Variants in AGBL4 observed in about 807,000 individuals in gnomAD.
AGBL4 encodes the protein AGBL carboxypeptidase 4.
A neutral mutation model predicts 66.4 loss-of-function variants in AGBL4; 58 were observed. The observed-to-expected ratio is 0.87, with a 90% confidence interval of 0.71 to 1.09. The LOEUF (loss-of-function observed/expected upper bound fraction) is 1.09, where lower values mean the gene tolerates loss of function less well. Ranked by LOEUF, AGBL4 falls within the 50% of genes least tolerant of loss-of-function variation. AGBL4 has a pLI of 0.00. For synonymous variants in AGBL4, 234 were observed against 222.9 expected, an observed-to-expected ratio of 1.05 and a Z score of -0.44; for missense variants, 579 against 631.0, an observed-to-expected ratio of 0.92 and a Z score of 0.88.
intron 4 of AGBL4, among the ~76,000 whole-genome samples, chr1:49,141,088 T>C (rs2148094354): frequency 6.6e-6 from 1 of 152,266 alleles, no homozygotes; most frequent in South Asian, 2.1e-4. Context: ...CATTAATTGG[T>C]ACTAAAAAAA....
intron 2 of AGBL4, among the ~76,000 whole-genome samples, chr1:49,847,948 G>A (rs538981027): frequency 7.2e-5 from 11 of 152,200 alleles, no homozygotes; most frequent in Non-Finnish European, 1.3e-4. Context: ...TGATCCGCCC[G>A]CCTGGGCCTC....
intron 3 of AGBL4, among the ~76,000 whole-genome samples, chr1:49,633,891 GTAATAT>G (rs71572686): frequency 0.4 from 58,489 of 146,120 alleles, 14,831 homozygotes; most frequent in Non-Finnish European, 0.56. Flanking sequence ...ATATATTATT[GTAATAT>G]ATAATATATG....
At chr1:48,853,402 G>C (rs1466003416) in intron 6 of AGBL4, among the ~76,000 whole-genome samples, 1 of 152,188 alleles carries the variant, frequency 6.6e-6, no homozygotes, top group African/African-American at 2.4e-5. Flanking sequence ...ATTGATGTTT[G>C]AAACTGCTGA....
chr1:49,645,034 T>C (rs975913113), intron 3 of AGBL4, among the ~76,000 whole-genome samples: 1 of 151,498 alleles, frequency 6.6e-6, no homozygotes, highest in Admixed American at 6.6e-5. Flanking sequence ...AAATGACCCA[T>C]AGGGCAAAGA....
At chr1:49,123,594 T>C (rs1341100758) in intron 4 of AGBL4, among the ~76,000 whole-genome samples, 3 of 152,162 alleles carry the variant, frequency 2.0e-5, no homozygotes, top group African/African-American at 7.2e-5. Context: ...GTATAAGAAA[T>C]AGCCCCATGA....
chr1:49,426,319 C>T (rs752391370), intron 3 of AGBL4, among the ~76,000 whole-genome samples: 14 of 152,028 alleles, frequency 9.2e-5, no homozygotes, highest in South Asian at 6.3e-4. Context: ...CTTATGCATG[C>T]GGAATAAAAA....
intron 1 of AGBL4, among the ~76,000 whole-genome samples, chr1:49,907,316 A>G (rs1650372242): frequency 1.3e-5 from 2 of 152,162 alleles, no homozygotes; most frequent in Non-Finnish European, 2.9e-5. Flanking sequence ...GTAAAATTTG[A>G]AAGAAACATT....
intron 5 of AGBL4, among the ~76,000 whole-genome samples, chr1:48,886,121 C>A (rs898840677): frequency 1.3e-5 from 2 of 152,098 alleles, no homozygotes; most frequent in African/African-American, 4.8e-5. Context: ...GGCTAAGAGC[C>A]CTGCCTGAGG....
chr1:49,089,353 T>TGCTA (rs1412238604), intron 4 of AGBL4, among the ~76,000 whole-genome samples: 12 of 151,556 alleles, frequency 7.9e-5, no homozygotes, highest in Admixed American at 2.0e-4. Context: ...ATTGATAGAC[T>TGCTA]GCTAGCTAGA....
At chr1:49,996,565 G>C (rs1487704408) in intron 1 of AGBL4, among the ~76,000 whole-genome samples, 1 of 152,096 alleles carries the variant, frequency 6.6e-6, no homozygotes, top group Non-Finnish European at 1.5e-5. Context: ...CTGGGATTAT[G>C]GTAAATGAAC....
At chr1:49,927,358 C>T (rs1652881416) in intron 1 of AGBL4, among the ~76,000 whole-genome samples, 1 of 152,274 alleles carries the variant, frequency 6.6e-6, no homozygotes, top group South Asian at 2.1e-4. Flanking sequence ...CAAAGTTCCA[C>T]ATGGCCATGG....
chr1:48,808,149 C>T (rs1004331717), intron 6 of AGBL4, among the ~76,000 whole-genome samples: 4 of 152,074 alleles, frequency 2.6e-5, no homozygotes, highest in South Asian at 2.1e-4. Flanking sequence ...GTCTGGGACC[C>T]GGGGTAAGTC....
Position 49,116,552 on chromosome 1 carries a change from A to C in AGBL4, c.378-70752T>G, listed in dbSNP as rs1645527248. On this transcript the variant is annotated intron_variant, in intron 4 of 13. Coordinates refer to ENST00000371839, the MANE Select transcript of AGBL4 (RefSeq NM_032785.4). ...ATGTCCCTGCAAAGGACATGAACTC[A>C]TCCTTCATTATGGCTGCATAGTATT... Among the ~76,000 whole-genome samples the C allele has an allele frequency of 2.6e-5, 4 of 152,146 alleles. No individual in the cohort carries two copies. In the South Asian group the frequency reaches 8.3e-4, roughly 32 times the overall value.
At chr1:49,672,235 C>G (rs1233480357) in intron 3 of AGBL4, among the ~76,000 whole-genome samples, 1 of 151,436 alleles carries the variant, frequency 6.6e-6, no homozygotes, top group South Asian at 2.1e-4. Flanking sequence ...AACACAAGAA[C>G]AGAAAACCAA....
intron 5 of AGBL4, among the ~76,000 whole-genome samples, chr1:48,888,606 G>C (rs551636384): frequency 4.3e-4 from 65 of 152,262 alleles, no homozygotes; most frequent in African/African-American, 1.5e-3. Flanking sequence ...ATGATTGATT[G>C]CAAGTTTCCT....
chr1:48,645,677 C>T (rs1570115455), intron 8 of AGBL4, among the ~76,000 whole-genome samples: 1 of 152,130 alleles, frequency 6.6e-6, no homozygotes, highest in East Asian at 1.9e-4. Flanking sequence ...CATAATGATG[C>T]ATTTGTTCTA....
intron 6 of AGBL4, among the ~76,000 whole-genome samples, chr1:48,775,749 A>G (rs1934379): frequency 0.098 from 14,935 of 152,262 alleles, 921 homozygotes; most frequent in East Asian, 0.17. Flanking sequence ...CCCTATCACC[A>G]ACTGAACCTC....
intron 3 of AGBL4, among the ~76,000 whole-genome samples, chr1:49,260,221 G>C (rs1251280889): frequency 6.6e-6 from 1 of 151,734 alleles, no homozygotes; most frequent in Non-Finnish European, 1.5e-5. Context: ...ATCCAAAATT[G>C]ACACCCTAAG....
chr1:49,846,464 T>G, intron 2 of AGBL4: 1 of 1,244,736 alleles, frequency 8.0e-7, no homozygotes, highest in Non-Finnish European at 1.1e-6. Context: ...CTTTCTAGAT[T>G]TGACCCAATC....
Sources: gnomAD v4.1 joint callset for allele counts (sites outside exome capture counted in the v4.1 genomes callset) on GRCh38, gnomAD v4.1.1 for gene constraint, MANE v1.5 for transcripts, NCBI Gene and HGNC (gene_info 2026-07-23, HGNC 2026-07-21) for gene names.